Variants in PDE4D observed in about 807,000 individuals in gnomAD.
PDE4D encodes 3',5'-cyclic-AMP phosphodiesterase 4D.
A neutral mutation model predicts 87.4 loss-of-function variants in PDE4D; 24 were observed. The ratio of observed to expected loss-of-function variants is 0.27; its 90% CI spans 0.20 to 0.39. The LOEUF is 0.39. Among genes scored for constraint, PDE4D ranks in the 10% least tolerant of loss-of-function variants. PDE4D has a pLI of 1.00. For synonymous variants in PDE4D, 384 were observed against 383.2 expected (o/e 1.00, Z -0.02); for missense variants, 714 against 1,041.0 (o/e 0.69, Z 4.32).
chr5:59,662,877 T>G (rs138878222), intron 1 of PDE4D, among the ~76,000 whole-genome samples: 12 of 152,314 alleles, frequency 7.9e-5, no homozygotes, highest in African/African-American at 2.6e-4. Flanking sequence ...TTTTGTAAAT[T>G]GCAGCTATTT....
chr5:60,159,187 T>A (rs1333892709), intron 2 of PDE4D, among the ~76,000 whole-genome samples: 1 of 152,194 alleles, frequency 6.6e-6, no homozygotes, highest in African/African-American at 2.4e-5. Context: ...TACCTCCACA[T>A]CTTGTCCCAC....
chr5:59,120,357 C>G (rs1045748161), intron 5 of PDE4D, among the ~76,000 whole-genome samples: 1 of 152,154 alleles, frequency 6.6e-6, no homozygotes, highest in Non-Finnish European at 1.5e-5. Context: ...ATGACGTGCA[C>G]TTCACTAAGA....
upstream of PDE4D, chr5:60,491,589 C>A (rs1280259663): frequency 3.3e-5 from 5 of 152,154 alleles, no homozygotes; most frequent in African/African-American, 1.2e-4. Context: ...CAGAAGGATC[C>A]ATTTATCTGT....
chr5:60,108,784 T>TGCTG (rs1435160547), intron 2 of PDE4D, among the ~76,000 whole-genome samples: 1 of 152,098 alleles, frequency 6.6e-6, no homozygotes, highest in Non-Finnish European at 1.5e-5. Context: ...TAATAAATGG[T>TGCTG]GCTGGGAAAA....
intron 2 of PDE4D, among the ~76,000 whole-genome samples, chr5:60,031,987 G>A (rs773369515): frequency 2.0e-5 from 3 of 152,048 alleles, no homozygotes; most frequent in East Asian, 1.9e-4. Context: ...ATAAGGAAGC[G>A]CTTTATTATC....
intron 1 of PDE4D, among the ~76,000 whole-genome samples, chr5:59,549,883 T>C (rs755328999): frequency 3.9e-5 from 6 of 151,932 alleles, no homozygotes; most frequent in Middle Eastern, 3.2e-3. Context: ...ATAATAACAA[T>C]TTTCTCAAGG....
intron 2 of PDE4D, among the ~76,000 whole-genome samples, chr5:60,008,544 G>A (rs2152843175): frequency 6.6e-6 from 1 of 152,080 alleles, no homozygotes; most frequent in South Asian, 2.1e-4. Flanking sequence ...CAAGTTTTAG[G>A]TGTACACTAC....
intron 1 of PDE4D, among the ~76,000 whole-genome samples, chr5:60,376,069 A>G (rs1218146243): frequency 2.0e-5 from 3 of 152,132 alleles, no homozygotes; most frequent in East Asian, 1.9e-4. Flanking sequence ...TGATTCCCAG[A>G]TTTTTACAGC....
intron 1 of PDE4D, among the ~76,000 whole-genome samples, chr5:59,741,843 G>A (rs776358432): frequency 6.6e-5 from 10 of 152,048 alleles, no homozygotes; most frequent in African/African-American, 1.2e-4. Flanking sequence ...TAAGTTTAAC[G>A]GTAAACTTCT....
intron 2 of PDE4D, among the ~76,000 whole-genome samples, chr5:60,173,889 G>A (rs1432756837): frequency 6.6e-6 from 1 of 152,140 alleles, no homozygotes; most frequent in East Asian, 1.9e-4. Flanking sequence ...AATACATGCA[G>A]TAACACTTGT....
At chr5:59,439,477 G>A (rs1797270962) in intron 1 of PDE4D, among the ~76,000 whole-genome samples, 1 of 152,016 alleles carries the variant, frequency 6.6e-6, no homozygotes, top group Admixed American at 6.6e-5. Flanking sequence ...ACACCTTTCT[G>A]GTATCAGTTT....
chr5:59,728,820 T>C (rs1756967316), intron 1 of PDE4D, among the ~76,000 whole-genome samples: 1 of 152,120 alleles, frequency 6.6e-6, no homozygotes, highest in Admixed American at 6.6e-5. Context: ...TTAAAATAAA[T>C]GGCTGTAGAT....
At chr5:60,513,006 A>C (rs1750642888) in intron 1 of PDE4D, among the ~76,000 whole-genome samples, 1 of 152,154 alleles carries the variant, frequency 6.6e-6, no homozygotes, top group South Asian at 2.1e-4. Context: ...AATAATAATA[A>C]ATTTTCTAAA....
At chr5:59,958,819 C>T (rs1324873683) in intron 3 of PDE4D, among the ~76,000 whole-genome samples, 1 of 152,048 alleles carries the variant, frequency 6.6e-6, no homozygotes, top group Non-Finnish European at 1.5e-5. Context: ...TCCTATTCAA[C>T]ATAGTAACGG....
intron 1 of PDE4D, among the ~76,000 whole-genome samples, chr5:60,364,688 G>T (rs1462820911): frequency 6.6e-6 from 1 of 152,150 alleles, no homozygotes; most frequent in Non-Finnish European, 1.5e-5. Flanking sequence ...AATTTACCTA[G>T]ATTTGTTTTC....
intron 1 of PDE4D, among the ~76,000 whole-genome samples, chr5:60,277,908 C>T (rs757641128): frequency 2.0e-5 from 3 of 152,144 alleles, no homozygotes; most frequent in Admixed American, 2.0e-4. Context: ...TCTCTACATA[C>T]ACTTAGAACC....
intron 1 of PDE4D, among the ~76,000 whole-genome samples, chr5:59,534,890 G>A (rs753997945): frequency 6.6e-6 from 1 of 152,188 alleles, no homozygotes; most frequent in African/African-American, 2.4e-5. Flanking sequence ...GCCAGAATGT[G>A]AGAAACCTTT....
intron 1 of PDE4D, among the ~76,000 whole-genome samples, chr5:59,420,126 T>C (rs1794239459): frequency 1.3e-5 from 2 of 152,198 alleles, no homozygotes; most frequent in South Asian, 2.1e-4. Context: ...CCTTGGATGG[T>C]GAAACTGTAC....
chr5:59,526,009 C>T (rs1014193055), intron 1 of PDE4D, among the ~76,000 whole-genome samples: 11 of 152,132 alleles, frequency 7.2e-5, no homozygotes, highest in African/African-American at 2.7e-4. Context: ...GACTAATACA[C>T]CCCTGCAGTG....
Sources: gnomAD v4.1 joint callset for allele counts (sites outside exome capture counted in the v4.1 genomes callset) on GRCh38, gnomAD v4.1.1 for gene constraint, MANE v1.5 for transcripts, NCBI Gene and HGNC (gene_info 2026-07-23, HGNC 2026-07-21) for gene names.